Variants in DOCK3 observed in about 807,000 individuals in gnomAD.
The protein encoded by DOCK3 is dedicator of cytokinesis protein 3.
A neutral mutation model predicts 265.6 loss-of-function variants in DOCK3; 60 were observed. The observed-to-expected ratio is 0.23, with a 90% CI of 0.18 to 0.28. The LOEUF (loss-of-function observed/expected upper bound fraction) is 0.28, where lower values mean the gene tolerates loss of function less well. Ranked by LOEUF, DOCK3 falls within the 10% of genes least tolerant of loss-of-function variation. The pLI, the probability that DOCK3 is intolerant of heterozygous loss-of-function variation, is 1.00. For missense variants in DOCK3, 1,981 were observed against 2,594.3 expected, an observed-to-expected ratio of 0.76 and a Z score of 5.14; for synonymous variants, 881 against 938.0, an observed-to-expected ratio of 0.94 and a Z score of 1.11.
chr3:50,948,027 T>TC (rs1559850630), intron 5 of DOCK3, among the ~76,000 whole-genome samples: 6 of 35,532 alleles, frequency 1.7e-4, no homozygotes, highest in African/African-American at 2.1e-4. Flanking sequence ...AGCTAATTAT[T>TC]ATTATTATTA....
At chr3:51,303,577 A>G (rs2082476226) in intron 27 of DOCK3, among the ~76,000 whole-genome samples, 1 of 150,886 alleles carries the variant, frequency 6.6e-6, no homozygotes, top group African/African-American at 2.4e-5. Context: ...GAGGCTGCTG[A>G]CCTTTGGATA....
At chr3:51,175,989 G>A (rs28670710) in intron 12 of DOCK3, among the ~76,000 whole-genome samples, 138,855 of 152,252 alleles carry the variant, frequency 0.91, 63,466 homozygotes, top group African/African-American at 0.96. Context: ...TAAGTCATAC[G>A]AGGAAGACTC....
intron 7 of DOCK3, among the ~76,000 whole-genome samples, chr3:51,081,272 G>T (rs2082227696): frequency 6.6e-6 from 1 of 152,000 alleles, no homozygotes; most frequent in Admixed American, 6.6e-5. Flanking sequence ...AATGAGTGTG[G>T]TACCATACCT....
chr3:51,241,115 G>T (rs1354314149), intron 21 of DOCK3, among the ~76,000 whole-genome samples: 4 of 152,170 alleles, frequency 2.6e-5, no homozygotes, highest in African/African-American at 7.2e-5. Context: ...TGTAAGGCAG[G>T]TCTGGTGGTA....
Position 51,270,828 on chromosome 3 carries a change from A to G in DOCK3, c.2369A>G (p.Asn790Ser). ...TLLFTQAALL[N>S]SFPTIFDELL... Reference sequence around the variant, plus strand: ...TTGCTTCTGCAGGCTGCACTCCTCAATTCTTTCCCAACCATCTTTGATGAG... The same window carrying G: ...TTGCTTCTGCAGGCTGCACTCCTCAGTTCTTTCCCAACCATCTTTGATGAG... Residue 790 changes from asparagine (N) to serine (S), a missense_variant, in exon 24 of 53, where the codon AAT becomes AGT. Around this residue, in one of 4 missense-constraint regions of DOCK3, gnomAD observed 1,357 missense variants for 1,866.8 expected, o/e 0.73. Coordinates refer to ENST00000266037, the MANE Select transcript of DOCK3 (RefSeq NM_004947.5). The G allele has an allele frequency of 5.6e-6, 9 of 1,613,740 alleles. No homozygotes were observed. The highest frequency in any genetic ancestry group is 6.8e-6 in the Non-Finnish European group (8 of 1,179,772).
At chr3:50,770,406 T>A (rs1442395934) in intron 1 of DOCK3, among the ~76,000 whole-genome samples, 1 of 148,460 alleles carries the variant, frequency 6.7e-6, no homozygotes, top group Non-Finnish European at 1.5e-5. Context: ...ATCTCCATAA[T>A]GAAAACTATA....
chr3:50,735,923 T>G (rs1046117531), intron 1 of DOCK3, among the ~76,000 whole-genome samples: 2 of 152,140 alleles, frequency 1.3e-5, no homozygotes, highest in Non-Finnish European at 2.9e-5. Flanking sequence ...AATTATACTT[T>G]AAGTTCTAGG....
intron 2 of DOCK3, among the ~76,000 whole-genome samples, chr3:50,783,542 T>C (rs1414480273): frequency 6.6e-6 from 1 of 152,082 alleles, no homozygotes; most frequent in African/African-American, 2.4e-5. Context: ...TTTTTTGATG[T>C]GATTATTTGT....
chr3:50,921,282 C>T (rs2050447840), intron 4 of DOCK3, among the ~76,000 whole-genome samples: 1 of 152,144 alleles, frequency 6.6e-6, no homozygotes, highest in South Asian at 2.1e-4. Context: ...TTCTCTTCTG[C>T]TTCATTTCAT....
At chr3:51,280,306 G>T in intron 27 of DOCK3, 102 bp downstream of exon 27, 2 of 1,080,760 alleles carry the variant, frequency 1.9e-6, no homozygotes, top group Non-Finnish European at 2.7e-6. Flanking sequence ...GACTAGCATT[G>T]CCACGGGTGT....
intron 22 of DOCK3, among the ~76,000 whole-genome samples, chr3:51,252,442 T>A (rs1377712584): frequency 6.6e-6 from 1 of 152,246 alleles, no homozygotes; most frequent in East Asian, 1.9e-4. Context: ...AATCTATAAA[T>A]TACCTTGGGC....
At chr3:51,177,226 TTAATC>T (rs1364265875) in intron 12 of DOCK3, among the ~76,000 whole-genome samples, 2 of 152,234 alleles carry the variant, frequency 1.3e-5, no homozygotes, top group African/African-American at 4.8e-5. Flanking sequence ...AATTTTTTGT[TTAATC>T]TGTGATGATT....
At chr3:50,725,485 T>G (rs2037760115) in intron 1 of DOCK3, among the ~76,000 whole-genome samples, 1 of 152,334 alleles carries the variant, frequency 6.6e-6, no homozygotes, top group South Asian at 2.1e-4. Context: ...CAGTGATTCA[T>G]TCCTCTACTG....
intron 12 of DOCK3, among the ~76,000 whole-genome samples, chr3:51,199,672 CT>C (rs1438201424): frequency 2.6e-5 from 4 of 152,208 alleles, no homozygotes; most frequent in African/African-American, 9.6e-5. Flanking sequence ...TGTCTGACAG[CT>C]TTGAAGAGAG....
intron 2 of DOCK3, chr3:50,787,028 C>T: frequency 1.4e-6 from 1 of 740,596 alleles, no homozygotes; most frequent in Non-Finnish European, 2.6e-6. Context: ...ACAAATTTCA[C>T]AGGAAAATTT....
At chr3:51,017,137 T>G (rs2079380497) in intron 5 of DOCK3, among the ~76,000 whole-genome samples, 1 of 149,776 alleles carries the variant, frequency 6.7e-6, no homozygotes, top group South Asian at 2.1e-4. Flanking sequence ...TTTATTCATT[T>G]TTTTCTAGGT....
intron 1 of DOCK3, among the ~76,000 whole-genome samples, chr3:50,720,116 G>T (rs769926213): frequency 1.3e-5 from 2 of 152,068 alleles, no homozygotes; most frequent in Non-Finnish European, 2.9e-5. Context: ...AACATAGAAA[G>T]GTGTTACCTG....
intron 1 of DOCK3, among the ~76,000 whole-genome samples, chr3:50,684,592 C>A (rs188752435): frequency 6.6e-6 from 1 of 152,316 alleles, no homozygotes; most frequent in Admixed American, 6.5e-5. Flanking sequence ...CTCTCTCTCA[C>A]CTACAGTTTC....
At chr3:50,937,758 A>G (rs899146807) in intron 5 of DOCK3, among the ~76,000 whole-genome samples, 8 of 152,196 alleles carry the variant, frequency 5.3e-5, no homozygotes, top group Non-Finnish European at 8.8e-5. Context: ...TTAAAGTGAT[A>G]TAATAAAAAG....
Sources: gnomAD v4.1 joint callset for allele counts (sites outside exome capture counted in the v4.1 genomes callset) on GRCh38, gnomAD v4.1.1 for gene constraint, gnomAD v4.1.1 regional missense constraint, MANE v1.5 for transcripts, NCBI Gene and HGNC (gene_info 2026-07-23, HGNC 2026-07-21) for gene names.